PSMB2: variants seen among roughly 807,000 people sequenced by gnomAD.
PSMB2 encodes the protein proteasome subunit beta type-2.
Under a neutral mutation model 25.7 loss-of-function variants are expected in PSMB2, and 13 were observed. The observed-to-expected ratio is 0.51, with a 90% confidence interval of 0.33 to 0.80. PSMB2 has a LOEUF of 0.80. Ranked by LOEUF, PSMB2 falls within the 30% of genes least tolerant of loss-of-function variation. The pLI is 0.02. For synonymous variants in PSMB2, 87 were observed against 96.2 expected, an observed-to-expected ratio of 0.90 and a Z score of 0.56; for missense variants, 202 against 259.0, an observed-to-expected ratio of 0.78 and a Z score of 1.51.
intron 3 of PSMB2, among the ~76,000 whole-genome samples, chr1:35,631,003 T>A (rs1651076333): frequency 6.6e-6 from 1 of 151,224 alleles, no homozygotes; most frequent in Non-Finnish European, 1.5e-5. Context: ...AAAAAATAGT[T>A]TTTAGGGGGA....
At chr1:35,616,210 C>T (rs866035931) in intron 3 of PSMB2, among the ~76,000 whole-genome samples, 25 of 152,164 alleles carry the variant, frequency 1.6e-4, no homozygotes, top group African/African-American at 5.6e-4. Flanking sequence ...AACTGCAAGT[C>T]CTACATGCTT....
chr1:35,626,452 C>CA (rs1650863266), intron 3 of PSMB2, among the ~76,000 whole-genome samples: 1 of 152,150 alleles, frequency 6.6e-6, no homozygotes, highest in Admixed American at 6.5e-5. Flanking sequence ...ACTTTTTCAG[C>CA]AAACACTTAT....
intron 1 of PSMB2, among the ~76,000 whole-genome samples, chr1:35,637,939 C>T (rs1651291235): frequency 6.6e-6 from 1 of 152,120 alleles, no homozygotes; most frequent in Non-Finnish European, 1.5e-5. Context: ...GGGCAGTTTT[C>T]GTTTCCTTCT....
intron 3 of PSMB2, among the ~76,000 whole-genome samples, chr1:35,626,801 G>C (rs1336372030): frequency 1.3e-5 from 2 of 152,134 alleles, no homozygotes; most frequent in African/African-American, 4.8e-5. Context: ...CTGTCCAAGA[G>C]AACTTCTATG....
chr1:35,638,617 A>G (rs1651309450), intron 1 of PSMB2, among the ~76,000 whole-genome samples: 1 of 152,256 alleles, frequency 6.6e-6, no homozygotes, highest in South Asian at 2.1e-4. Context: ...TAGATAATGT[A>G]GTTCGGATTA....
At chr1:35,628,626 T>TAA (rs1650983943) in intron 3 of PSMB2, among the ~76,000 whole-genome samples, 1 of 49,800 alleles carries the variant, frequency 2.0e-5, no homozygotes, top group African/African-American at 8.6e-5. Flanking sequence ...TATATATATA[T>TAA]ATATATTTTT....
chr1:35,640,092 A>ATACTATACTGTACTGTACTG (rs1553126274), intron 1 of PSMB2, among the ~76,000 whole-genome samples: 4 of 151,958 alleles, frequency 2.6e-5, no homozygotes, highest in African/African-American at 7.2e-5. Flanking sequence ...ATACTATACT[A>ATACTATACTGTACTGTACTG]TACTATACTA....
chr1:35,600,102 C>T lies in PSMB2; in HGVS notation c.*3165G>A. 1 of 881,664 alleles carries T rather than the reference C, an allele frequency of 1.1e-6. No individual in the cohort carries two copies. Among genetic ancestry groups the T allele is most frequent in the Non-Finnish European group, 1.4e-6 (1 of 735,674 alleles). 54.6% of individuals were successfully genotyped at this position (881,664 alleles called of 1,614,324 possible). On this transcript the variant is annotated 3_prime_UTR_variant, in exon 6 of 6. Coordinates refer to ENST00000373237, the MANE Select transcript of PSMB2 (RefSeq NM_002794.5). ...TTACTGCAGTAAGCTACGATCGTGCCACTGTACTCCAGCCTAGGTGATGGA... is the reference window on the plus strand; with the variant it reads ...TTACTGCAGTAAGCTACGATCGTGCTACTGTACTCCAGCCTAGGTGATGGA...
intron 1 of PSMB2, 104 bp downstream of exon 1, chr1:35,641,238 T>C: frequency 3.5e-6 from 5 of 1,426,412 alleles, no homozygotes; most frequent in Non-Finnish European, 4.8e-6. Context: ...GCAGGCCGGC[T>C]TCCATCTCTC....
At chr1:35,637,801 G>A (rs1651287474) in intron 1 of PSMB2, among the ~76,000 whole-genome samples, 1 of 152,146 alleles carries the variant, frequency 6.6e-6, no homozygotes, top group Admixed American at 6.6e-5. Context: ...TATTTGTTAT[G>A]CAGGCTAGAT....
rs530592543 is a variant in PSMB2 at position 35,607,805 on chromosome 1, G to A, written c.448+1441C>T. 1.3e-4 allele frequency among the ~76,000 whole-genome samples: 20 copies of A among 152,200 alleles called. No individual in the cohort carries two copies. In the East Asian group the frequency reaches 3.3e-3, roughly 25 times the overall value. On this transcript the variant is annotated intron_variant, in intron 4 of 5. Coordinates refer to ENST00000373237, the MANE Select transcript of PSMB2 (RefSeq NM_002794.5). ...AGATATGGAACCAACCTAGGTGTCC[G>A]AGAACAGATCAATGGATAAAGAAAA...
intron 4 of PSMB2, among the ~76,000 whole-genome samples, chr1:35,607,741 G>A (rs937103982): frequency 6.6e-6 from 1 of 152,112 alleles, no homozygotes; most frequent in African/African-American, 2.4e-5. Context: ...GGGAAATATT[G>A]CACCCCAGTG....
intron 2 of PSMB2, chr1:35,631,547 T>A: frequency 7.3e-7 from 1 of 1,363,186 alleles, no homozygotes; most frequent in Non-Finnish European, 9.5e-7. Context: ...TGACAGCAAT[T>A]CTTGGCCACA....
chr1:35,630,129 T>G (rs1465233867), intron 3 of PSMB2, among the ~76,000 whole-genome samples: 1 of 152,128 alleles, frequency 6.6e-6, no homozygotes, highest in East Asian at 1.9e-4. Flanking sequence ...AAGCCAAGAT[T>G]GCACCATTGC....
chr1:35,641,259 T>A (rs904790166), intron 1 of PSMB2, 83 bp downstream of exon 1: 2 of 1,545,032 alleles, frequency 1.3e-6, no homozygotes, highest in Non-Finnish European at 1.8e-6. Context: ...AGATCCTCCC[T>A]GGTACTTATT....
At chr1:35,629,372 T>C (rs1257456369) in intron 3 of PSMB2, among the ~76,000 whole-genome samples, 2 of 152,210 alleles carry the variant, frequency 1.3e-5, no homozygotes, top group Non-Finnish European at 2.9e-5. Context: ...ACACAATCTT[T>C]AATGCATTCA....
Position 35,599,626 on chromosome 1 carries a change from C to G in PSMB2, c.*3641G>C, listed in dbSNP as rs1326222639. The G allele has an allele frequency of 1.0e-6, 1 of 983,950 alleles. No individual in the cohort carries two copies. Among genetic ancestry groups the G allele is most frequent in the East Asian group, 1.1e-4 (1 of 8,796 alleles). The allele number at this position is 983,950 out of a possible 1,614,324, so 61.0% of individuals were successfully genotyped here. On this transcript the variant is annotated 3_prime_UTR_variant, in exon 6 of 6. Coordinates refer to ENST00000373237, the MANE Select transcript of PSMB2 (RefSeq NM_002794.5). ...TCGGAGAGGATTATGGAATGCCTAGCATGTCAAATCAAAGAATTGGGCTTT... is the reference window on the plus strand; with the variant it reads ...TCGGAGAGGATTATGGAATGCCTAGGATGTCAAATCAAAGAATTGGGCTTT...
rs1222934789 is a variant in PSMB2 at position 35,601,608 on chromosome 1, T to C, written c.*1659A>G. On this transcript the variant is annotated 3_prime_UTR_variant, in exon 6 of 6. Coordinates refer to ENST00000373237, the MANE Select transcript of PSMB2 (RefSeq NM_002794.5). ...CTAATGTTAACCCAATACTTTAATA[T>C]GAACGTTATGATCAGTAGGTAGTAT... 1 of 985,118 alleles carries C rather than the reference T, an allele frequency of 1.0e-6. No homozygotes were observed. 61.0% of individuals were successfully genotyped at this position (985,118 alleles called of 1,614,324 possible).
rs1650016063 is a variant in PSMB2, at chr1:35,602,007, T to G, written c.*1260A>C. On this transcript the variant is annotated 3_prime_UTR_variant, in exon 6 of 6. Coordinates refer to ENST00000373237, the MANE Select transcript of PSMB2 (RefSeq NM_002794.5). ...TGATATAAAACAATCTCTAATATAG[T>G]GTTAAGTGAAATAAGCAATATGCAG... is the stretch of plus-strand genomic sequence containing the variant. The G allele has an allele frequency of 1.2e-6, 1 of 816,644 alleles. No individual in the cohort carries two copies. The highest frequency in any genetic ancestry group is 6.2e-5 in the Admixed American group (1 of 16,026). 50.6% of individuals were successfully genotyped at this position (816,644 alleles called of 1,614,324 possible).
Sources: gnomAD v4.1 joint callset for allele counts (sites outside exome capture counted in the v4.1 genomes callset) on GRCh38, gnomAD v4.1.1 for gene constraint, MANE v1.5 for transcripts, NCBI Gene and HGNC (gene_info 2026-07-23, HGNC 2026-07-21) for gene names.